XRRA1: variants seen among roughly 807,000 people sequenced by gnomAD.
XRRA1 encodes the protein X-ray radiation resistance associated 1.
XRRA1 carries 69 observed loss-of-function variants against 80.2 expected under a neutral mutation model. The ratio of observed to expected loss-of-function variants is 0.86; its 90% CI spans 0.71 to 1.05. The LOEUF (loss-of-function observed/expected upper bound fraction) is 1.05, where lower values mean the gene tolerates loss of function less well. Among genes scored for constraint, XRRA1 ranks in the 50% least tolerant of loss-of-function variants. The probability of loss-of-function intolerance (pLI) is 0.00; values close to 1 mark genes in which losing one functional copy is unlikely to be tolerated. For missense variants in XRRA1, 967 were observed against 976.4 expected, an observed-to-expected ratio of 0.99 and a Z score of 0.13; for synonymous variants, 348 against 389.9, an observed-to-expected ratio of 0.89 and a Z score of 1.27.
At chr11:74,888,303 G>C (rs1204035106) in intron 10 of XRRA1, among the ~76,000 whole-genome samples, 1 of 152,148 alleles carries the variant, frequency 6.6e-6, no homozygotes, top group African/African-American at 2.4e-5. Context: ...CTGATACCCA[G>C]GCAAACAGGG....
At chr11:74,903,217 A>G (rs551014866) in intron 10 of XRRA1, among the ~76,000 whole-genome samples, 38 of 152,204 alleles carry the variant, frequency 2.5e-4, no homozygotes, top group African/African-American at 8.4e-4. Flanking sequence ...GTCATCCATC[A>G]ATCCCACTTC....
chr11:74,853,147 G>T (rs1360143838), intron 12 of XRRA1, among the ~76,000 whole-genome samples: 1 of 152,196 alleles, frequency 6.6e-6, no homozygotes, highest in East Asian at 1.9e-4. Flanking sequence ...TGGAGAAACA[G>T]TAACACAGGA....
intron 4 of XRRA1, among the ~76,000 whole-genome samples, chr11:74,936,574 A>G (rs1317606699): frequency 6.6e-6 from 1 of 152,248 alleles, no homozygotes; most frequent in African/African-American, 2.4e-5. Flanking sequence ...ATCCTGGATC[A>G]GCCATTTACT....
chr11:74,891,695 C>T (rs1466334775), intron 10 of XRRA1, among the ~76,000 whole-genome samples: 5 of 152,182 alleles, frequency 3.3e-5, no homozygotes, highest in South Asian at 2.1e-4. Flanking sequence ...TGATAGGCAA[C>T]TTCAGCAAAG....
chr11:74,858,116 A>G (rs1265503281), intron 12 of XRRA1, among the ~76,000 whole-genome samples: 1 of 152,248 alleles, frequency 6.6e-6, no homozygotes, highest in Non-Finnish European at 1.5e-5. Flanking sequence ...GAAATCAATG[A>G]AATGGAAAAC....
At chr11:74,888,465 G>C (rs2049682317) in intron 10 of XRRA1, among the ~76,000 whole-genome samples, 1 of 152,046 alleles carries the variant, frequency 6.6e-6, no homozygotes, top group Admixed American at 6.5e-5. Context: ...ACAAAGATGG[G>C]GAAAAAACAG....
chr11:74,875,312 A>AAGGCTCCAT (rs1266332502), intron 10 of XRRA1, among the ~76,000 whole-genome samples: 1 of 152,046 alleles, frequency 6.6e-6, no homozygotes, highest in Non-Finnish European at 1.5e-5. Context: ...CTAATCTGGG[A>AAGGCTCCAT]AGGCTCCATA....
At position 74,906,227 on chromosome 11, in the gene XRRA1, G is replaced by T; in HGVS notation, c.1003+12C>A. On this transcript the variant is annotated intron_variant, in intron 10 of 18. Transcript: ENST00000684022. Reference sequence around the variant, plus strand: ...TGAGGGTAGAATTTCTGGGACAAGGGGTGTCACTCACCTGTCCGGTCAACA... The same window carrying T: ...TGAGGGTAGAATTTCTGGGACAAGGTGTGTCACTCACCTGTCCGGTCAACA... 1 of 1,609,814 alleles carries T rather than the reference G, an allele frequency of 6.2e-7. No homozygotes were observed. Among genetic ancestry groups the T allele is most frequent in the Non-Finnish European group, 8.5e-7 (1 of 1,176,978 alleles).
chr11:74,888,985 A>T (rs2049898241), intron 10 of XRRA1, among the ~76,000 whole-genome samples: 1 of 152,256 alleles, frequency 6.6e-6, no homozygotes, highest in Non-Finnish European at 1.5e-5. Context: ...ACTCTGCAGG[A>T]TATTATCCAG....
intron 4 of XRRA1, among the ~76,000 whole-genome samples, chr11:74,934,545 T>A (rs1420593038): frequency 6.6e-6 from 1 of 152,178 alleles, no homozygotes; most frequent in Non-Finnish European, 1.5e-5. Context: ...ATGAGACATA[T>A]AACAGGAGGT....
chr11:74,932,705 C>G (rs1473783516), intron 5 of XRRA1, among the ~76,000 whole-genome samples: 1 of 152,210 alleles, frequency 6.6e-6, no homozygotes, highest in East Asian at 1.9e-4. Flanking sequence ...TATATGTGAA[C>G]TATATATTAT....
intron 10 of XRRA1, among the ~76,000 whole-genome samples, chr11:74,871,501 T>C (rs573027705): frequency 1.4e-4 from 21 of 152,326 alleles, no homozygotes; most frequent in African/African-American, 4.8e-4. Context: ...ACTAGACCTT[T>C]GCATGCACTG....
chr11:74,877,590 C>A (rs1329302703), intron 10 of XRRA1, among the ~76,000 whole-genome samples: 1 of 149,962 alleles, frequency 6.7e-6, no homozygotes, highest in African/African-American at 2.5e-5. Flanking sequence ...TTAGGTATAT[C>A]TCCCGATGCT....
chr11:74,855,988 CAG>C (rs147550852), intron 12 of XRRA1, among the ~76,000 whole-genome samples: 14,711 of 152,088 alleles, frequency 0.097, 944 homozygotes, highest in Non-Finnish European at 0.13. Flanking sequence ...AAAAATTAGC[CAG>C]GCGTGGTAGC....
intron 10 of XRRA1, among the ~76,000 whole-genome samples, chr11:74,886,124 C>T (rs113721644): frequency 6.6e-6 from 1 of 152,154 alleles, no homozygotes; most frequent in Non-Finnish European, 1.5e-5. Context: ...TGGGCAAAAG[C>T]TGGAAGCATT....
At chr11:74,860,675 C>T (rs1473337757) in intron 11 of XRRA1, among the ~76,000 whole-genome samples, 1 of 152,214 alleles carries the variant, frequency 6.6e-6, no homozygotes, top group African/African-American at 2.4e-5. Context: ...GCCCCTCCAT[C>T]CCACATACAT....
At chr11:74,876,805 A>AT (rs2046143845) in intron 10 of XRRA1, 1 of 152,190 alleles carries the variant, frequency 6.6e-6, no homozygotes, top group Admixed American at 6.5e-5. Context: ...AGGGCTATTC[A>AT]TCCTACTCAG....
At chr11:74,926,317 G>A (rs1260112937) in intron 7 of XRRA1, among the ~76,000 whole-genome samples, 1 of 152,190 alleles carries the variant, frequency 6.6e-6, no homozygotes, top group Admixed American at 6.5e-5. Flanking sequence ...ACTCACTCTT[G>A]TAGAAGGTCC....
intron 11 of XRRA1, among the ~76,000 whole-genome samples, chr11:74,861,056 A>C (rs2135917182): frequency 6.6e-6 from 1 of 152,174 alleles, no homozygotes; most frequent in South Asian, 2.1e-4. Context: ...AAAGCTCTGG[A>C]CTCTGAGGTG....
Sources: allele counts gnomAD v4.1 joint callset (sites outside exome capture counted in the v4.1 genomes callset), GRCh38; gene constraint gnomAD v4.1.1; transcripts MANE v1.5; gene names NCBI Gene and HGNC (gene_info 2026-07-23, HGNC 2026-07-21).